The following CARS2 variants were observed in gnomAD, a reference collection of about 807,000 sequenced individuals.
CARS2 encodes cysteinyl-tRNA synthetase 2, mitochondrial.
Under a neutral mutation model 68.8 loss-of-function variants are expected in CARS2, and 52 were observed. The ratio of observed to expected loss-of-function variants is 0.76; its 90% confidence interval spans 0.61 to 0.95. CARS2 has a LOEUF of 0.95. Among genes scored for constraint, CARS2 ranks in the 40% least tolerant of loss-of-function variants. The pLI, the probability that CARS2 is intolerant of heterozygous loss-of-function variation, is 0.00. For missense variants in CARS2, 780 were observed against 754.2 expected, an observed-to-expected ratio of 1.03 and a Z score of -0.40; for synonymous variants, 314 against 303.6, an observed-to-expected ratio of 1.03 and a Z score of -0.36.
intron 6 of CARS2, among the ~76,000 whole-genome samples, chr13:110,678,290 C>T (rs938615264): frequency 2.0e-5 from 3 of 152,184 alleles, no homozygotes; most frequent in Non-Finnish European, 4.4e-5. Context: ...TCAGGTAACG[C>T]GGCTTATGGA....
intron 6 of CARS2, among the ~76,000 whole-genome samples, chr13:110,677,429 C>T (rs1272256845): frequency 6.6e-6 from 1 of 150,570 alleles, no homozygotes; most frequent in Non-Finnish European, 1.5e-5. Context: ...ACCCAATCAC[C>T]CCCACCATGG....
intron 5 of CARS2, among the ~76,000 whole-genome samples, chr13:110,687,057 CTGGAGGTACTG>C (rs1282366403): frequency 3.3e-5 from 5 of 152,110 alleles, no homozygotes; most frequent in African/African-American, 1.2e-4. Flanking sequence ...GAGCAGGTCT[CTGGAGGTACTG>C]TGTTTGTCCC....
chr13:110,712,529 A>C (rs2064040718), intron 1 of CARS2: 5 of 170,248 alleles, frequency 2.9e-5, no homozygotes, highest in Non-Finnish European at 4.5e-5. Context: ...CTTTGGCCGG[A>C]AGGGGGGGGG....
chr13:110,667,555 G>T, intron 7 of CARS2, 82 bp from the exon 8 acceptor site: 5 of 1,275,526 alleles, frequency 3.9e-6, no homozygotes, highest in East Asian at 2.5e-5. Context: ...ATTCCTTCCA[G>T]CCTTTTTAAT....
At chr13:110,680,578 T>C (rs59818642) in intron 6 of CARS2, among the ~76,000 whole-genome samples, 3,268 of 152,232 alleles carry the variant, frequency 0.021, 137 homozygotes, top group African/African-American at 0.074. Context: ...CAAAGTAGCC[T>C]TCTCCAGAAA....
chr13:110,647,343 A>T, intron 10 of CARS2, 104 bp from the exon 11 acceptor site: 1 of 1,404,352 alleles, frequency 7.1e-7, no homozygotes, highest in Non-Finnish European at 9.6e-7. Context: ...CCCAGGGACC[A>T]CACGGAGAGC....
Position 110,642,984 on chromosome 13 carries a change from G to A in CARS2, c.1417-463C>T, listed in dbSNP as rs868529358. 1.4e-4 allele frequency: 50 copies of A among 363,088 alleles called. No homozygotes were observed. The Middle Eastern group carries it at 3.0e-3, about 22-fold the overall frequency. 22.5% of individuals were successfully genotyped at this position (363,088 alleles called of 1,614,324 possible). On this transcript the variant is annotated intron_variant, in intron 13 of 14. Coordinates refer to ENST00000257347, the MANE Select transcript of CARS2 (RefSeq NM_024537.4). ...ACGGGATTTGCGCAGAAGGCCTCGC[G>A]CTGTCCTCCCACTGAGAACAGATCC...
chr13:110,705,896 G>T lies in CARS2; in HGVS notation c.198C>A (p.Ile66=), dbSNP rs762673064. 3.2e-6 allele frequency: 5 copies of T among 1,572,468 alleles called. No homozygotes were observed. The African/African-American group carries it at 6.8e-5, about 21-fold the overall frequency. The change falls in exon 1 of 15, where the codon ATC becomes ATA. Residue 66 remains isoleucine, a synonymous_variant. Transcript: ENST00000257347. The surrounding 1 kb of genome is among the most constrained non-coding windows in gnomAD (Gnocchi z 4.0). ...AGGAGGCGGCTTCGGCGTGCGCCAC[G>T]ATTAGGGGTTCCTTCCTCCCGGTGA... ...NSLTGRKEPL[I]VAHAEAASWY... is the part of the protein sequence containing the mutation.
chr13:110,654,147 G>A (rs933019544), intron 9 of CARS2, among the ~76,000 whole-genome samples: 24 of 152,304 alleles, frequency 1.6e-4, no homozygotes, highest in Middle Eastern at 3.4e-3. Context: ...GCCAGTTGCC[G>A]AGGGACTTCC....
chr13:110,703,658 T>C (rs2063856411), intron 2 of CARS2, among the ~76,000 whole-genome samples: 1 of 152,254 alleles, frequency 6.6e-6, no homozygotes, highest in Non-Finnish European at 1.5e-5. Flanking sequence ...GTCAATCTTT[T>C]AAATGGCTAA....
rs754560033 is a variant in CARS2 at position 110,644,393 on chromosome 13, T to G, written c.1408A>C (p.Asn470His). The G allele has an allele frequency of 6.2e-7, 1 of 1,613,768 alleles. No individual in the cohort carries two copies. Among genetic ancestry groups the G allele is most frequent in the Admixed American group, 1.7e-5 (1 of 60,018 alleles). ...FFETVGISLA[N>H]QQYVSGDGSE... Reference sequence around the variant, plus strand: ...AAAATAATAGGACCTACCTGTTGATTTGCCAGAGAAATTCCAACAGTTTCA... The same window carrying G: ...AAAATAATAGGACCTACCTGTTGATGTGCCAGAGAAATTCCAACAGTTTCA... The change falls in exon 13 of 15, where the codon AAT (asparagine) becomes CAT (histidine). Residue 470 changes from asparagine to histidine, a missense_variant. By Grantham distance (68) the Asn-to-His change is moderately conservative. Transcript: ENST00000257347.
At position 110,668,126 on chromosome 13, in the gene CARS2, G is replaced by A. The variant is rs921736329; in HGVS notation, c.786-653C>T. ...GAAATTTCTAAGGTGCCAACACCTC[G>A]CAGAGGTCCTTCCTGCTCCCACTGG... On this transcript the variant is annotated intron_variant, in intron 7 of 14. Coordinates refer to ENST00000257347, the MANE Select transcript of CARS2 (RefSeq NM_024537.4). The surrounding 1 kb of genome is among the most constrained non-coding windows in gnomAD (Gnocchi z 4.1). Among the ~76,000 whole-genome samples, 9 of 152,182 alleles carry A rather than the reference G, an allele frequency of 5.9e-5. No individual in the cohort carries two copies. Among genetic ancestry groups the A allele is most frequent in the Admixed American group, 2.6e-4 (4 of 15,278 alleles).
rs1359824977 is a variant in CARS2 at position 110,663,481 on chromosome 13, G to A, written c.957C>T (p.Ser319=). Residue 319 remains serine (S), a synonymous_variant, in exon 9 of 15, where the codon TCC becomes TCT. Transcript: ENST00000257347. ...LHAKGKEEKM[S]KSLKNYITIK... ...TAGTAATGTAGTTCTTTAATGATTT[G>A]GACATTTTTTCTTCTTTGCCTTTGG... The A allele has an allele frequency of 6.2e-7, 1 of 1,613,742 alleles. No homozygotes were observed. The highest frequency in any genetic ancestry group is 8.5e-7 in the Non-Finnish European group (1 of 1,179,914).
chr13:110,705,738 C>A lies in CARS2; in HGVS notation c.224+132G>T. ...CACCCAAACCTGCAAAAGCACCGCG[C>A]ACCCCCAGCTTCTAGAACGGCGCCC... is the stretch of plus-strand genomic sequence containing the variant. On this transcript the variant is annotated intron_variant, in intron 1 of 14. Transcript: ENST00000257347. This position sits in a 1 kb window ranked among gnomAD's most constrained non-coding sequence, Gnocchi z 4.0. 1 of 1,536,298 alleles carries A rather than the reference C, an allele frequency of 6.5e-7. No homozygotes were observed.
In CARS2 at chr13:110,653,062, T is replaced by A. The variant is rs766301923; in HGVS notation, c.988-1962A>T. 1.3e-5 allele frequency among the ~76,000 whole-genome samples: 2 copies of A among 151,964 alleles called. No individual in the cohort carries two copies. The highest frequency in any genetic ancestry group is 2.9e-5 in the Non-Finnish European group (2 of 68,020). On this transcript the variant is annotated intron_variant, in intron 9 of 14. Transcript: ENST00000257347. This position sits in a 1 kb window ranked among gnomAD's most constrained non-coding sequence, Gnocchi z 5.6. Reference sequence around the variant, plus strand: ...CCGCTGAGTCAAGCAGAGCCCCCGCTCCTCTACTTCAGTATCATCAACGGC... The same window carrying A: ...CCGCTGAGTCAAGCAGAGCCCCCGCACCTCTACTTCAGTATCATCAACGGC...
chr13:110,711,810 CTT>C (rs1356713089), intron 1 of CARS2, among the ~76,000 whole-genome samples: 2 of 152,240 alleles, frequency 1.3e-5, no homozygotes, highest in South Asian at 2.1e-4. Flanking sequence ...AATTCAGTCT[CTT>C]TGCCGTACTC....
At chr13:110,696,566 T>C (rs186618711) in intron 3 of CARS2, among the ~76,000 whole-genome samples, 1 of 152,338 alleles carries the variant, frequency 6.6e-6, no homozygotes, top group African/African-American at 2.4e-5. Context: ...TAACTATGGG[T>C]TTCAGATACA....
chr13:110,706,187 C>T (rs2063954760), upstream of CARS2: 2 of 951,390 alleles, frequency 2.1e-6, no homozygotes, highest in South Asian at 9.1e-5. Context: ...CCCCGCCCCG[C>T]CCACGCCCTT....
Position 110,667,411 on chromosome 13 carries a change from T to C in CARS2, c.848A>G (p.His283Arg), listed in dbSNP as rs760205854. 3 of 1,613,870 alleles carry C rather than the reference T, an allele frequency of 1.9e-6. No individual in the cohort carries two copies. Among genetic ancestry groups the C allele is most frequent in the East Asian group, 4.5e-5 (2 of 44,884 alleles). Reference protein sequence around the residue: ...SGGIDLAFPHHENEIAQCEVF... With the variant: ...SGGIDLAFPHRENEIAQCEVF... The stretch of plus-strand genomic sequence containing the variant: ...TTCGCACTGTGCAATTTCGTTTTCA[T>C]GATGTGGAAAAGCTAAATCTATCCC... Residue 283 changes from histidine (H) to arginine (R), a missense_variant, in exon 8 of 15, where the codon CAT (histidine) becomes CGT (arginine). Coordinates refer to ENST00000257347, the MANE Select transcript of CARS2 (RefSeq NM_024537.4).
Sources: allele counts gnomAD v4.1 joint callset (sites outside exome capture counted in the v4.1 genomes callset), GRCh38; gene constraint gnomAD v4.1.1; non-coding constraint Gnocchi (gnomAD v3.1); transcripts MANE v1.5; gene names NCBI Gene and HGNC (gene_info 2026-07-23, HGNC 2026-07-21).